The following ENTPD1 variants were observed in gnomAD, a reference collection of about 807,000 sequenced individuals.
ENTPD1 encodes the protein ATP diphosphohydrolase.
Under a neutral mutation model 57.0 loss-of-function variants are expected in ENTPD1, and 33 were observed. That is an observed-to-expected ratio of 0.58 (90% CI 0.44 to 0.77). ENTPD1 has a LOEUF of 0.77. ENTPD1 is among the 30% of genes least tolerant of loss of function. The pLI is 0.00. For missense variants in ENTPD1, 501 were observed against 603.4 expected, an observed-to-expected ratio of 0.83 and a Z score of 1.78; for synonymous variants, 202 against 218.8, an observed-to-expected ratio of 0.92 and a Z score of 0.68.
At chr10:95,840,807 G>A (rs973018792) in intron 3 of ENTPD1, among the ~76,000 whole-genome samples, 1 of 152,032 alleles carries the variant, frequency 6.6e-6, no homozygotes, top group African/African-American at 2.4e-5. Flanking sequence ...ATCTCTCTTA[G>A]CCTTTTGAGC....
chr10:95,810,573 T>G (rs2098301898), intron 1 of ENTPD1, among the ~76,000 whole-genome samples: 1 of 152,224 alleles, frequency 6.6e-6, no homozygotes, highest in Non-Finnish European at 1.5e-5. Flanking sequence ...TTAGTTGCCT[T>G]TTTTATTCTA....
chr10:95,851,302 A>G (rs1191362089), intron 7 of ENTPD1, among the ~76,000 whole-genome samples: 2 of 151,990 alleles, frequency 1.3e-5, no homozygotes, highest in African/African-American at 4.8e-5. Flanking sequence ...TCAGACCATG[A>G]ATTTTATTTT....
intron 2 of ENTPD1, among the ~76,000 whole-genome samples, chr10:95,837,765 T>C (rs189239786): frequency 2.0e-5 from 3 of 152,224 alleles, no homozygotes; most frequent in Non-Finnish European, 4.4e-5. Flanking sequence ...CTATTTCTTG[T>C]CTTCTTTTCT....
chr10:95,872,072 T>G lies in ENTPD1; in HGVS notation c.*5689T>G, dbSNP rs2098481106. 2.0e-6 allele frequency: 2 copies of G among 985,318 alleles called. No homozygotes were observed. Among genetic ancestry groups the G allele is most frequent in the Admixed American group, 6.2e-5 (1 of 16,258 alleles). The allele number at this position is 985,318 out of a possible 1,614,324, so 61.0% of individuals were successfully genotyped here. ...CACTGGGACCTCCCCATTCTGCCTG[T>G]GCAATATTTTTCTTTTTTATTTCTC... On this transcript the variant is annotated 3_prime_UTR_variant, in exon 10 of 10. Transcript: ENST00000371205.
intron 1 of ENTPD1, among the ~76,000 whole-genome samples, chr10:95,782,773 A>G (rs1416388033): frequency 6.6e-6 from 1 of 152,038 alleles, no homozygotes; most frequent in Non-Finnish European, 1.5e-5. Context: ...CTATTCTTTT[A>G]TCTATTTTTG....
chr10:95,855,885 C>G (rs2098453749), intron 7 of ENTPD1, among the ~76,000 whole-genome samples: 1 of 152,162 alleles, frequency 6.6e-6, no homozygotes, highest in African/African-American at 2.4e-5. Flanking sequence ...TCCTTCATTT[C>G]AACTTTGGTG....
chr10:95,857,533 C>T (rs1299670390), intron 7 of ENTPD1, among the ~76,000 whole-genome samples: 1 of 152,176 alleles, frequency 6.6e-6, no homozygotes, highest in Non-Finnish European at 1.5e-5. Flanking sequence ...TCTCTTCTCC[C>T]TCTCACCCCA....
chr10:95,705,673 G>T, the ENTPD1 span, among the ~76,000 whole-genome samples: 17 of 152,146 alleles, frequency 1.1e-4, no homozygotes, highest in Admixed American at 9.2e-4. Context: ...TGTATTTTTA[G>T]TAGAGATGGG....
intron 2 of ENTPD1, among the ~76,000 whole-genome samples, chr10:95,835,862 C>A: frequency 6.6e-6 from 1 of 152,074 alleles, no homozygotes; most frequent in Non-Finnish European, 1.5e-5. Flanking sequence ...GTTTTAACTG[C>A]ATTTGCTTTT....
intron 9 of ENTPD1, 77 bp downstream of exon 9, chr10:95,864,938 AG>A (rs35597960): frequency 6.5e-7 from 1 of 1,528,100 alleles, no homozygotes. Flanking sequence ...GGCTTGAAAA[AG>A]GGGGGAGTCA....
the ENTPD1 span, among the ~76,000 whole-genome samples, chr10:95,704,840 A>G: frequency 3.3e-5 from 5 of 150,154 alleles, no homozygotes; most frequent in Admixed American, 6.7e-5. Context: ...TAAAAAGGCA[A>G]GCTACTCAAT....
intron 7 of ENTPD1, among the ~76,000 whole-genome samples, chr10:95,848,808 A>G (rs1237097913): frequency 3.3e-5 from 5 of 152,230 alleles, no homozygotes; most frequent in Non-Finnish European, 7.3e-5. Context: ...GAAATGGATT[A>G]ATATAGTTAG....
At chr10:95,856,015 A>C (rs2098453994) in intron 7 of ENTPD1, among the ~76,000 whole-genome samples, 1 of 152,174 alleles carries the variant, frequency 6.6e-6, no homozygotes, top group Non-Finnish European at 1.5e-5. Flanking sequence ...TCTCCTGGAT[A>C]ATATCCCGCA....
intron 1 of ENTPD1, among the ~76,000 whole-genome samples, chr10:95,801,843 T>C (rs2098251027): frequency 6.6e-6 from 1 of 152,230 alleles, no homozygotes; most frequent in Non-Finnish European, 1.5e-5. Flanking sequence ...AATTTTAAAA[T>C]AGTTTGTTCT....
At chr10:95,824,021 T>C (rs1260601368) in intron 2 of ENTPD1, among the ~76,000 whole-genome samples, 1 of 152,236 alleles carries the variant, frequency 6.6e-6, no homozygotes, top group Non-Finnish European at 1.5e-5. Flanking sequence ...CTTTAATGTA[T>C]TTATGTTTTC....
upstream of ENTPD1, chr10:95,755,789 G>T: frequency 6.5e-7 from 1 of 1,529,138 alleles, no homozygotes. Flanking sequence ...TTATTATCTA[G>T]CTTCATAATT....
chr10:95,857,253 G>A lies in ENTPD1; in HGVS notation c.1075-3216G>A, dbSNP rs996002524. On this transcript the variant is annotated intron_variant, in intron 7 of 9. Coordinates refer to ENST00000371205, the MANE Select transcript of ENTPD1 (RefSeq NM_001776.6). ...ATGTATCCTACTGAAGGCTCAATAT[G>A]TTGCTAAATCTACCTCATAGAAATT... Among the ~76,000 whole-genome samples the A allele has an allele frequency of 2.8e-4, 42 of 152,254 alleles. 1 individual carries two copies. Among genetic ancestry groups the A allele is most frequent in the Admixed American group, 7.2e-4 (11 of 15,298 alleles).
chr10:95,845,248 AC>A (rs1236508336), intron 5 of ENTPD1, 108 bp from the exon 6 acceptor site: 2 of 1,510,140 alleles, frequency 1.3e-6, no homozygotes, highest in African/African-American at 2.7e-5. Flanking sequence ...GCTTTGCCTC[AC>A]CTTTATGCCC....
intron 6 of ENTPD1, 163 bp downstream of exon 6, chr10:95,845,759 A>C (rs994878484): frequency 7.6e-6 from 9 of 1,179,506 alleles, no homozygotes; most frequent in Non-Finnish European, 9.8e-6. Context: ...TGACCCCTAT[A>C]AATTGTTTCA....
Sources: allele counts gnomAD v4.1 joint callset (sites outside exome capture counted in the v4.1 genomes callset), GRCh38; gene constraint gnomAD v4.1.1; transcripts MANE v1.5; gene names NCBI Gene and HGNC (gene_info 2026-07-23, HGNC 2026-07-21).